Variants in DIAPH2 observed in about 807,000 individuals in gnomAD.
DIAPH2 encodes the protein diaphanous related formin 2.
DIAPH2 carries 35 observed loss-of-function variants against 92.7 expected under a neutral mutation model. The ratio of observed to expected loss-of-function variants is 0.38; its 90% CI spans 0.29 to 0.50. DIAPH2 has a LOEUF of 0.50. Among genes scored for constraint, DIAPH2 ranks in the 20% least tolerant of loss-of-function variants. The probability of loss-of-function intolerance (pLI) is 0.94; values close to 1 mark genes in which losing one functional copy is unlikely to be tolerated. For synonymous variants in DIAPH2, 301 were observed against 280.4 expected, an observed-to-expected ratio of 1.07 and a Z score of -0.73; for missense variants, 701 against 819.5, an observed-to-expected ratio of 0.86 and a Z score of 1.77.
chrX:97,390,517 A>ATTTTCTTTTC (rs763323044), intron 25 of DIAPH2, among the ~76,000 whole-genome samples: 3 of 107,488 alleles, frequency 2.8e-5, no homozygotes, highest in African/African-American at 1.0e-4. Flanking sequence ...TGCCTGGCCT[A>ATTTTCTTTTC]TTTTCTTTTC....
chrX:97,005,347 T>TTG (rs767848531), intron 17 of DIAPH2, among the ~76,000 whole-genome samples: 58 of 109,178 alleles, frequency 5.3e-4, no homozygotes, highest in African/African-American at 1.8e-3. Flanking sequence ...TTTTTTTTTT[T>TTG]GAATATTTTG....
intron 4 of DIAPH2, among the ~76,000 whole-genome samples, chrX:96,773,245 C>T (rs187614513): frequency 1.6e-4 from 14 of 86,120 alleles, no homozygotes; most frequent in African/African-American, 5.7e-4. Context: ...TTTCCCCCCC[C>T]CTCCCGCCCT....
intron 25 of DIAPH2, among the ~76,000 whole-genome samples, chrX:97,407,438 T>G (rs980412798): frequency 8.9e-6 from 1 of 112,000 alleles, no homozygotes; most frequent in Non-Finnish European, 1.9e-5. Flanking sequence ...GGAAGATACC[T>G]TACAATTCTC....
At chrX:97,522,116 A>G (rs1481405407) in intron 26 of DIAPH2, among the ~76,000 whole-genome samples, 3 of 112,039 alleles carry the variant, frequency 2.7e-5, no homozygotes, top group Non-Finnish European at 5.6e-5. Context: ...ATAGGTTCTT[A>G]TACCTAGTTA....
chrX:97,084,793 G>A (rs1427212250), intron 19 of DIAPH2, among the ~76,000 whole-genome samples: 1 of 111,136 alleles, frequency 9.0e-6, no homozygotes, highest in Non-Finnish European at 1.9e-5. Flanking sequence ...GCTGCTTTGG[G>A]GGGACTGCAG....
intron 23 of DIAPH2, among the ~76,000 whole-genome samples, chrX:97,340,749 G>A (rs1423985516): frequency 2.9e-5 from 3 of 103,514 alleles, no homozygotes; most frequent in Non-Finnish European, 3.9e-5. Flanking sequence ...TCTGCCTCCC[G>A]AGTTCAAGCC....
At chrX:97,385,332 A>T (rs1239333057) in intron 25 of DIAPH2, among the ~76,000 whole-genome samples, 1 of 110,457 alleles carries the variant, frequency 9.1e-6, no homozygotes, top group Non-Finnish European at 1.9e-5. Flanking sequence ...TCCTGGGTTC[A>T]AGCAATTCTC....
At chrX:96,910,384 T>C (rs1362471527) in intron 5 of DIAPH2, among the ~76,000 whole-genome samples, 1 of 111,375 alleles carries the variant, frequency 9.0e-6, no homozygotes, top group Non-Finnish European at 1.9e-5. Context: ...CTATGTATAT[T>C]GTGGATGGCG....
Position 97,570,232 on chromosome X carries a change from T to G in DIAPH2, c.3242-29021T>G, listed in dbSNP as rs193079019. On this transcript the variant is annotated intron_variant, in intron 26 of 26. Coordinates refer to ENST00000324765, the MANE Select transcript of DIAPH2 (RefSeq NM_006729.5). ...ATATATACACACACACACATATATA[T>G]ATGTATGTATAGTGTTCAGTTCTTC... Among the ~76,000 whole-genome samples, 26 of 98,915 alleles carry G rather than the reference T, an allele frequency of 2.6e-4. No homozygotes were observed. The East Asian group carries it at 8.0e-3, about 30-fold the overall frequency. 85.9% of individuals were successfully genotyped at this position (98,915 alleles called of 115,157 possible).
chrX:97,103,668 C>T (rs771452710), intron 20 of DIAPH2, among the ~76,000 whole-genome samples: 3 of 111,757 alleles, frequency 2.7e-5, no homozygotes, highest in Admixed American at 9.5e-5. Flanking sequence ...AAATCCGTCT[C>T]GGCACAACCC....
intron 26 of DIAPH2, among the ~76,000 whole-genome samples, chrX:97,441,333 T>A (rs1189023720): frequency 1.8e-5 from 2 of 109,213 alleles, no homozygotes; most frequent in Non-Finnish European, 3.8e-5. Context: ...GAGAATCGCT[T>A]GAACCTCTGT....
chrX:96,778,609 C>T (rs928634072), intron 4 of DIAPH2, among the ~76,000 whole-genome samples: 1 of 110,885 alleles, frequency 9.0e-6, no homozygotes, highest in Admixed American at 9.6e-5. Flanking sequence ...TCCAACTATC[C>T]CAATAATGCC....
At chrX:97,042,089 A>C (rs1435158303) in intron 17 of DIAPH2, among the ~76,000 whole-genome samples, 1 of 111,897 alleles carries the variant, frequency 8.9e-6, no homozygotes, top group Admixed American at 9.4e-5. Flanking sequence ...TCATTATAAT[A>C]ATACTTTTTT....
chrX:97,081,358 C>A (rs924562141), intron 19 of DIAPH2, among the ~76,000 whole-genome samples: 1 of 111,075 alleles, frequency 9.0e-6, no homozygotes, highest in Non-Finnish European at 1.9e-5. Context: ...CAAATGTTAT[C>A]GCTGCTTATT....
At chrX:97,156,321 T>C (rs1466057095) in intron 22 of DIAPH2, among the ~76,000 whole-genome samples, 2 of 112,083 alleles carry the variant, frequency 1.8e-5, no homozygotes, top group Non-Finnish European at 3.8e-5. Flanking sequence ...GATATTTAAA[T>C]TTTTCTCTAT....
intron 4 of DIAPH2, among the ~76,000 whole-genome samples, chrX:96,854,637 A>G (rs1195253079): frequency 1.2e-5 from 1 of 83,829 alleles, no homozygotes; most frequent in African/African-American, 4.5e-5. Flanking sequence ...ATATATATAT[A>G]TATATCCATC....
intron 24 of DIAPH2, among the ~76,000 whole-genome samples, chrX:97,350,995 T>C (rs1315884510): frequency 8.9e-6 from 1 of 112,397 alleles, no homozygotes; most frequent in African/African-American, 3.2e-5. Flanking sequence ...AGATCCTAAA[T>C]GTGTCAACCA....
At chrX:97,247,631 G>T in intron 22 of DIAPH2, 84 bp from the exon 23 acceptor site, 1 of 917,829 alleles carries the variant, frequency 1.1e-6, no homozygotes, top group Non-Finnish European at 1.5e-6. Context: ...TAAAAAAAAA[G>T]ACTTTAACTG....
chrX:96,779,599 C>T (rs1003402007), intron 4 of DIAPH2, among the ~76,000 whole-genome samples: 1 of 112,377 alleles, frequency 8.9e-6, no homozygotes, highest in African/African-American at 3.2e-5. Flanking sequence ...AGATACAAGT[C>T]TTACTTCAGA....
Sources: allele counts gnomAD v4.1 joint callset (sites outside exome capture counted in the v4.1 genomes callset), GRCh38; gene constraint gnomAD v4.1.1; transcripts MANE v1.5; gene names NCBI Gene and HGNC (gene_info 2026-07-23, HGNC 2026-07-21).